Variants in COL23A1 observed in about 807,000 individuals in gnomAD.
COL23A1 encodes collagen type XXIII alpha 1 chain, also known as collagen alpha-1(XXIII) chain.
COL23A1 carries 97 observed loss-of-function variants against 99.3 expected under a neutral mutation model. That is an observed-to-expected ratio of 0.98 (90% CI 0.83 to 1.16). The LOEUF (loss-of-function observed/expected upper bound fraction) is 1.16. COL23A1 is among the 50% of genes most tolerant of loss of function. The probability of loss-of-function intolerance (pLI) is 0.00; values close to 1 mark genes in which losing one functional copy is unlikely to be tolerated. For missense variants in COL23A1, 762 were observed against 757.4 expected (o/e 1.01, Z -0.07); for synonymous variants, 320 against 308.2 (o/e 1.04, Z -0.40).
intron 3 of COL23A1, among the ~76,000 whole-genome samples, chr5:178,292,936 C>T (rs538150005): frequency 5.1e-4 from 78 of 151,872 alleles, no homozygotes; most frequent in Non-Finnish European, 8.4e-4. Flanking sequence ...GTGCACAGGA[C>T]GAAGTAACTG....
intron 3 of COL23A1, among the ~76,000 whole-genome samples, chr5:178,303,639 T>C (rs530107398): frequency 6.6e-6 from 1 of 152,346 alleles, no homozygotes; most frequent in African/African-American, 2.4e-5. Flanking sequence ...ACCCGGGAAG[T>C]GCCTCCGTTT....
At chr5:178,416,959 TC>T (rs1765344757) in intron 2 of COL23A1, among the ~76,000 whole-genome samples, 1 of 152,148 alleles carries the variant, frequency 6.6e-6, no homozygotes, top group African/African-American at 2.4e-5. Context: ...TCCTCTCCTC[TC>T]TCAGCCCTCC....
At chr5:178,568,223 G>A (rs1225672767) in intron 1 of COL23A1, among the ~76,000 whole-genome samples, 2 of 152,200 alleles carry the variant, frequency 1.3e-5, no homozygotes, top group Non-Finnish European at 2.9e-5. Flanking sequence ...GGAAGACTGA[G>A]AAATGGTCAT....
chr5:178,470,596 C>A (rs2127930778), intron 2 of COL23A1, among the ~76,000 whole-genome samples: 1 of 152,240 alleles, frequency 6.6e-6, no homozygotes. Context: ...CACAGAGGTG[C>A]AAGACAGGGA....
chr5:178,256,430 A>C, intron 14 of COL23A1, 33 bp from the exon 15 acceptor site: 1 of 1,591,582 alleles, frequency 6.3e-7, no homozygotes, highest in Non-Finnish European at 8.6e-7. Context: ...CCAGAGGTGC[A>C]GCTGTGAAGC....
At chr5:178,401,061 T>G (rs1438406169) in intron 2 of COL23A1, among the ~76,000 whole-genome samples, 2 of 152,250 alleles carry the variant, frequency 1.3e-5, no homozygotes, top group African/African-American at 2.4e-5. Context: ...ATGAATTTGT[T>G]TATTCTAGGT....
intron 25 of COL23A1, among the ~76,000 whole-genome samples, chr5:178,244,994 TCC>T (rs1764594446): frequency 6.8e-6 from 1 of 147,462 alleles, no homozygotes; most frequent in African/African-American, 2.5e-5. Context: ...CTATCATCCA[TCC>T]ATCCATCCAT....
At chr5:178,518,141 A>G (rs577909828) in intron 2 of COL23A1, among the ~76,000 whole-genome samples, 28 of 137,266 alleles carry the variant, frequency 2.0e-4, no homozygotes, top group East Asian at 1.9e-3. Context: ...AACAAAGCAC[A>G]TCTTGCACCG....
chr5:178,471,191 G>A (rs1299526188), intron 2 of COL23A1, among the ~76,000 whole-genome samples: 1 of 152,186 alleles, frequency 6.6e-6, no homozygotes, highest in Non-Finnish European at 1.5e-5. Flanking sequence ...GTTCCCAGAG[G>A]TTGGAACAGT....
rs1561898811 is a variant in COL23A1 at position 178,358,671 on chromosome 5, A to AGTG, written c.362-51753_362-51752insCAC. Among the ~76,000 whole-genome samples, 69 of 144,890 alleles carry AGTG rather than the reference A, an allele frequency of 4.8e-4. No individual in the cohort carries two copies. In the Middle Eastern group the frequency reaches 0.012, roughly 25 times the overall value. ...GTATGTGTACGTGTGTATGTGTCTA[A>AGTG]TGTGTATGTGTATGTGTGTGTATGT... is the stretch of plus-strand genomic sequence containing the variant. On this transcript the variant is annotated intron_variant, in intron 2 of 28. Transcript: ENST00000390654.
chr5:178,487,414 G>A (rs1395508396), intron 2 of COL23A1, among the ~76,000 whole-genome samples: 1 of 151,894 alleles, frequency 6.6e-6, no homozygotes, highest in Non-Finnish European at 1.5e-5. Flanking sequence ...CTGCCTCTTG[G>A]GTTCAAGCGA....
intron 2 of COL23A1, among the ~76,000 whole-genome samples, chr5:178,386,249 G>A (rs967984932): frequency 4.6e-5 from 7 of 152,098 alleles, no homozygotes; most frequent in Admixed American, 4.6e-4. Context: ...GACCAGCCTG[G>A]GCAACACGGT....
At chr5:178,249,245 A>T in intron 18 of COL23A1, 39 bp from the exon 19 acceptor site, 1 of 1,591,408 alleles carries the variant, frequency 6.3e-7, no homozygotes, top group Non-Finnish European at 8.6e-7. Flanking sequence ...GGGGCTCAGG[A>T]GGTCCCCTCC....
At position 178,469,402 on chromosome 5, in the gene COL23A1, C is replaced by A. The variant is rs114822931; in HGVS notation, c.361+91280G>T. On this transcript the variant is annotated intron_variant, in intron 2 of 28. Transcript: ENST00000390654. ...CAGCCTGGCCTGGGAGATGCACATC[C>A]TTCCTCTGAGATACTGTTGTTCTAA... 4.1e-3 allele frequency among the ~76,000 whole-genome samples: 629 copies of A among 152,270 alleles called. 7 individuals carry two copies. The highest frequency in any genetic ancestry group is 0.014 in the African/African-American group (588 of 41,550).
rs2860458 is a variant in COL23A1, at chr5:178,307,313, C to A, written c.362-394G>T. Among the ~76,000 whole-genome samples the A allele has an allele frequency of 0.7, 106,639 of 151,830 alleles. 37,935 individuals are homozygous for A. Among genetic ancestry groups the A allele is most frequent in the Non-Finnish European group, 0.75 (51,233 of 67,904 alleles). On this transcript the variant is annotated intron_variant, in intron 2 of 28. Coordinates refer to ENST00000390654, the MANE Select transcript of COL23A1 (RefSeq NM_173465.4). This position sits in a 1 kb window ranked among gnomAD's most constrained non-coding sequence, Gnocchi z 4.2. ...GTAAGGGTGGGTTATCTTAGGAAAG[C>A]CCTGACAAACGCTGCTTCATATTCA... is the stretch of plus-strand genomic sequence containing the variant.
chr5:178,529,278 G>T (rs1414927784), intron 2 of COL23A1, among the ~76,000 whole-genome samples: 1 of 152,194 alleles, frequency 6.6e-6, no homozygotes, highest in African/African-American at 2.4e-5. Flanking sequence ...GCCTCTACTT[G>T]TATCACACTT....
At chr5:178,356,482 G>C (rs1761660356) in intron 2 of COL23A1, among the ~76,000 whole-genome samples, 1 of 152,212 alleles carries the variant, frequency 6.6e-6, no homozygotes, top group South Asian at 2.1e-4. Context: ...AAGACACCAG[G>C]ATCGACTGCC....
chr5:178,269,071 C>A (rs1179625572), intron 6 of COL23A1, among the ~76,000 whole-genome samples: 1 of 152,202 alleles, frequency 6.6e-6, no homozygotes, highest in East Asian at 1.9e-4. Context: ...CAGTTCCCTA[C>A]TGCTCAGCAC....
chr5:178,247,404 G>A (rs1328862085), intron 22 of COL23A1, 122 bp downstream of exon 22: 2 of 1,134,728 alleles, frequency 1.8e-6, no homozygotes, highest in Non-Finnish European at 2.6e-6. Context: ...TTCAGGCGCT[G>A]GGAAGACTCA....
Sources: allele counts gnomAD v4.1 joint callset (sites outside exome capture counted in the v4.1 genomes callset), GRCh38; gene constraint gnomAD v4.1.1; non-coding constraint Gnocchi (gnomAD v3.1); transcripts MANE v1.5; gene names NCBI Gene and HGNC (gene_info 2026-07-23, HGNC 2026-07-21).